DST: variants seen among roughly 807,000 people sequenced by gnomAD.
DST encodes the protein dystonin.
Under a neutral mutation model 875.2 loss-of-function variants are expected in DST, and 253 were observed. That is an observed-to-expected ratio of 0.29 (90% CI 0.26 to 0.32). The LOEUF (loss-of-function observed/expected upper bound fraction) is 0.32, where lower values mean the gene tolerates loss of function less well. DST is among the 10% of genes least tolerant of loss of function. The pLI is 1.00. For synonymous variants in DST, 3,124 were observed against 3,197.1 expected (o/e 0.98, Z 0.77); for missense variants, 8,287 against 9,111.6 (o/e 0.91, Z 3.68).
intron 37 of DST, among the ~76,000 whole-genome samples, chr6:56,613,730 G>A (rs1039142873): frequency 2.6e-5 from 4 of 152,258 alleles, no homozygotes; most frequent in Non-Finnish European, 5.9e-5. Context: ...GCAGTCCAAG[G>A]ACATCTCCCA....
intron 4 of DST, among the ~76,000 whole-genome samples, chr6:56,782,501 T>G (rs939714672): frequency 2.1e-4 from 32 of 152,254 alleles, no homozygotes; most frequent in African/African-American, 4.6e-4. Flanking sequence ...ATTTTCTAGT[T>G]TATTTGCATA....
chr6:56,816,463 G>T (rs934711355), intron 4 of DST, among the ~76,000 whole-genome samples: 7 of 152,132 alleles, frequency 4.6e-5, no homozygotes, highest in African/African-American at 1.7e-4. Flanking sequence ...AGCCAATAAA[G>T]AGATTTAGAA....
At chr6:56,731,537 A>T (rs968817241) in intron 5 of DST, among the ~76,000 whole-genome samples, 6 of 152,228 alleles carry the variant, frequency 3.9e-5, no homozygotes, top group African/African-American at 1.4e-4. Context: ...TCTTTAAACA[A>T]GATGCTATCA....
intron 46 of DST, among the ~76,000 whole-genome samples, chr6:56,598,228 T>G (rs1586162442): frequency 6.6e-6 from 1 of 152,230 alleles, no homozygotes; most frequent in East Asian, 1.9e-4. Flanking sequence ...TAACTATAAT[T>G]GATGAGTGAT....
intron 4 of DST, among the ~76,000 whole-genome samples, chr6:56,778,353 CTT>C (rs756542657): frequency 1.0e-4 from 11 of 109,960 alleles, no homozygotes; most frequent in Admixed American, 1.8e-4. Context: ...ATTCTTTTCT[CTT>C]TTTTTTTTTT....
intron 9 of DST, among the ~76,000 whole-genome samples, chr6:56,680,626 C>A (rs968101383): frequency 6.6e-6 from 1 of 152,192 alleles, no homozygotes; most frequent in Non-Finnish European, 1.5e-5. Flanking sequence ...AGGCTTTCCT[C>A]CGGCCTCTCT....
At chr6:56,629,483 C>T in intron 31 of DST, 40 bp from the exon 32 acceptor site, 2 of 1,437,814 alleles carry the variant, frequency 1.4e-6, no homozygotes, top group African/African-American at 1.4e-5. Context: ...AAAATGTTAA[C>T]CACTCACTGG....
At chr6:56,758,366 A>C (rs2099609245) in intron 4 of DST, among the ~76,000 whole-genome samples, 1 of 152,176 alleles carries the variant, frequency 6.6e-6, no homozygotes, top group Admixed American at 6.5e-5. Flanking sequence ...GTGGTGAAAC[A>C]TCTAAAAAAA....
At chr6:56,483,527 C>CTTTTGTTTTTTT (rs2095467642) in intron 88 of DST, 1 of 60,042 alleles carries the variant, frequency 1.7e-5, no homozygotes, top group Non-Finnish European at 2.7e-5. Context: ...TCTGGGTTTG[C>CTTTTGTTTTTTT]TTTTTTTTTT....
intron 77 of DST, among the ~76,000 whole-genome samples, chr6:56,504,939 G>T (rs1356249097): frequency 4.6e-5 from 7 of 152,030 alleles, no homozygotes; most frequent in Non-Finnish European, 8.8e-5. Flanking sequence ...TTCCCAGGCT[G>T]ATCTTGAACT....
rs574224778 is a variant in DST, at chr6:56,493,027, G to A, written c.20457C>T (p.Ile6819=). The A allele has an allele frequency of 5.0e-6, 8 of 1,613,028 alleles. No homozygotes were observed. In the African/African-American group the frequency reaches 9.3e-5, roughly 19 times the overall value. Residue 6819 remains isoleucine (I), a synonymous_variant, in exon 84 of 104, where the codon ATC becomes ATT. Transcript: ENST00000680361. ...MEFHNSLQDF[I]NWLTQAEQTL... is the part of the protein sequence containing the mutation. ...TCTGTTCAGCCTGAGTAAGCCAGTT[G>A]ATGAAGTCTTGGAGAGAATTGTGGA... is the stretch of plus-strand genomic sequence containing the variant.
Position 56,606,135 on chromosome 6 carries a change from C to A in DST, c.8493G>T (p.Val2831=), listed in dbSNP as rs376054457. The change falls in exon 40 of 104, where the codon GTG becomes GTT. Residue 2831 remains valine (V), a synonymous_variant. Transcript: ENST00000680361. Reference sequence around the variant, plus strand: ...ACAACTGGATATCCATATCTTCAGCCACATTTTGGCACCTGGGCTTTCCAT... The same window carrying A: ...ACAACTGGATATCCATATCTTCAGCAACATTTTGGCACCTGGGCTTTCCAT... ...DENGKPRCQN[V]AEDMDIQLCA... is the part of the protein sequence containing the mutation. 1.3e-4 allele frequency: 210 copies of A among 1,611,938 alleles called. No homozygotes were observed. The African/African-American group carries it at 2.4e-3, about 19-fold the overall frequency.
chr6:56,570,085 A>G, intron 53 of DST, 73 bp from the exon 54 acceptor site: 1 of 1,138,728 alleles, frequency 8.8e-7, no homozygotes, highest in Non-Finnish European at 1.2e-6. Flanking sequence ...CTCATGTCAC[A>G]CAATGTTAAG....
chr6:56,689,732 A>T (rs2099215012), intron 9 of DST, among the ~76,000 whole-genome samples: 1 of 152,178 alleles, frequency 6.6e-6, no homozygotes, highest in South Asian at 2.1e-4. Context: ...ACATCCAGGC[A>T]TCTATCTGTT....
chr6:56,940,245 TATATACAC>T (rs1242690778), intron 2 of DST, among the ~76,000 whole-genome samples: 5 of 150,666 alleles, frequency 3.3e-5, no homozygotes, highest in African/African-American at 9.8e-5. Flanking sequence ...CATATATACA[TATATACAC>T]ACACACATTT....
chr6:56,916,932 T>A (rs1401207784), intron 2 of DST, among the ~76,000 whole-genome samples: 1 of 137,946 alleles, frequency 7.2e-6, no homozygotes, highest in Non-Finnish European at 1.5e-5. Context: ...CAGCATTCAC[T>A]GGGCCCCCAT....
At chr6:56,657,077 T>C (rs995350461) in intron 10 of DST, among the ~76,000 whole-genome samples, 95 of 152,262 alleles carry the variant, frequency 6.2e-4, no homozygotes, top group African/African-American at 2.1e-3. Flanking sequence ...TCAGGCAAGT[T>C]TGATAACTAA....
intron 102 of DST, among the ~76,000 whole-genome samples, chr6:56,462,448 A>G (rs2094381968): frequency 6.6e-6 from 1 of 152,178 alleles, no homozygotes; most frequent in African/African-American, 2.4e-5. Context: ...CCTGTTGAAA[A>G]TGACAAATAA....
At position 56,851,568 on chromosome 6, in the gene DST, A is replaced by T. The variant is rs1218220419; in HGVS notation, c.454T>A (p.Ser152Thr). The T allele has an allele frequency of 6.2e-7, 1 of 1,614,006 alleles. No homozygotes were observed. Among genetic ancestry groups the T allele is most frequent in the Admixed American group, 1.7e-5 (1 of 60,028 alleles). ...TCCTCATCGGAAAAATCCGCAGAGG[A>T]AGACATAGAGCAGCGATAGGACGCG... is the stretch of plus-strand genomic sequence containing the variant. ...GNASYRCSMS[S>T]SADFSDEDDF... Residue 152 changes from serine (S) to threonine (T), a missense_variant, in exon 4 of 104, where the codon TCC becomes ACC. Ser to Thr is a moderately conservative substitution (Grantham distance 58). Transcript: ENST00000680361.
Sources: allele counts gnomAD v4.1 joint callset (sites outside exome capture counted in the v4.1 genomes callset), GRCh38; gene constraint gnomAD v4.1.1; transcripts MANE v1.5; gene names NCBI Gene and HGNC (gene_info 2026-07-23, HGNC 2026-07-21).